The following RPS6KA2 variants were observed in gnomAD, a reference collection of about 807,000 sequenced individuals.
RPS6KA2 encodes the protein ribosomal protein S6 kinase alpha-2.
In RPS6KA2, 42 loss-of-function variants were observed where a neutral mutation model predicts 91.8. The ratio of observed to expected loss-of-function variants is 0.46; its 90% confidence interval spans 0.36 to 0.59. The LOEUF (loss-of-function observed/expected upper bound fraction) is 0.59. Ranked by LOEUF, RPS6KA2 falls within the 20% of genes least tolerant of loss-of-function variation. RPS6KA2 has a pLI of 0.00. For synonymous variants in RPS6KA2, 414 were observed against 393.6 expected, an observed-to-expected ratio of 1.05 and a Z score of -0.61; for missense variants, 798 against 978.5, an observed-to-expected ratio of 0.82 and a Z score of 2.46.
chr6:166,528,172 A>T (rs950398771), intron 3 of RPS6KA2, among the ~76,000 whole-genome samples: 1 of 152,212 alleles, frequency 6.6e-6, no homozygotes, highest in African/African-American at 2.4e-5. Flanking sequence ...TGCACTAACA[A>T]ATGTCTAATT....
intron 12 of RPS6KA2, among the ~76,000 whole-genome samples, chr6:166,455,983 G>A (rs372498876): frequency 1.3e-5 from 2 of 152,258 alleles, no homozygotes; most frequent in Admixed American, 6.5e-5. Flanking sequence ...GCAAGGATTG[G>A]GAGTCCAATT....
At chr6:166,765,033 C>T (rs1468415507) in intron 2 of RPS6KA2, among the ~76,000 whole-genome samples, 1 of 150,470 alleles carries the variant, frequency 6.6e-6, no homozygotes, top group African/African-American at 2.5e-5. Flanking sequence ...CTGGGTCTCT[C>T]AGCTCCAGCC....
At chr6:166,455,536 A>T (rs1780074614) in intron 12 of RPS6KA2, among the ~76,000 whole-genome samples, 1 of 152,194 alleles carries the variant, frequency 6.6e-6, no homozygotes, top group South Asian at 2.1e-4. Flanking sequence ...CCCCTGGACT[A>T]ATGTGACCAG....
intron 2 of RPS6KA2, among the ~76,000 whole-genome samples, chr6:166,762,952 T>C (rs1024650702): frequency 2.6e-5 from 4 of 152,252 alleles, no homozygotes; most frequent in African/African-American, 7.2e-5. Flanking sequence ...AAGTTCAGTT[T>C]CCTTTGGAAG....
chr6:166,846,229 C>CA (rs34677101), intron 2 of RPS6KA2, among the ~76,000 whole-genome samples: 93,727 of 150,354 alleles, frequency 0.62, 30,093 homozygotes, highest in Middle Eastern at 0.8. Flanking sequence ...AAATTGCCAA[C>CA]AAAAAAAAAG....
intron 2 of RPS6KA2, among the ~76,000 whole-genome samples, chr6:166,718,881 G>A (rs1790094765): frequency 6.6e-6 from 1 of 152,178 alleles, no homozygotes; most frequent in African/African-American, 2.4e-5. Flanking sequence ...GGTGGAACAG[G>A]CTAATTAGGT....
Position 166,495,148 on chromosome 6 carries a change from C to T in RPS6KA2, c.747+3360G>A, listed in dbSNP as rs1781742512. The stretch of plus-strand genomic sequence containing the variant: ...TGATCTTGAGCCCGACACTTAGGCT[C>T]TTTCAGCTTTAGTTTTCATTTCTGT... On this transcript the variant is annotated intron_variant, in intron 8 of 20. Transcript: ENST00000265678. The surrounding 1 kb of genome is among the most constrained non-coding windows in gnomAD (Gnocchi z 4.4). 6.6e-6 allele frequency among the ~76,000 whole-genome samples: 1 copy of T among 152,236 alleles called. No homozygotes were observed. Among genetic ancestry groups the T allele is most frequent in the South Asian group, 2.1e-4 (1 of 4,834 alleles).
chr6:166,776,201 T>C (rs533810), intron 2 of RPS6KA2, among the ~76,000 whole-genome samples: 76,218 of 152,050 alleles, frequency 0.5, 22,146 homozygotes, highest in African/African-American at 0.82. Flanking sequence ...TGACAGAGAA[T>C]GATCTCGCTA....
In RPS6KA2 at chr6:166,737,928, A is replaced by T. The variant is rs1008205084; in HGVS notation, c.123+120272T>A. On this transcript the variant is annotated intron_variant, in intron 2 of 21. Coordinates refer to the RPS6KA2 transcript ENST00000503859. The surrounding 1 kb of genome is among the most constrained non-coding windows in gnomAD (Gnocchi z 4.3). ...ATAAAACATACAGAAAAGTATACAA[A>T]GTAAAATAAAAATGTCATGCCATCG... Among the ~76,000 whole-genome samples, 1 of 152,268 alleles carries T rather than the reference A, an allele frequency of 6.6e-6. No homozygotes were observed. Among genetic ancestry groups the T allele is most frequent in the Non-Finnish European group, 1.5e-5 (1 of 68,046 alleles).
intron 11 of RPS6KA2, 117 bp downstream of exon 11, chr6:166,469,724 T>C: frequency 2.1e-6 from 2 of 948,548 alleles, no homozygotes; most frequent in South Asian, 2.7e-5. Context: ...TTGTCTACAT[T>C]CACCTCCGAC....
chr6:166,796,284 T>C (rs1045433777), intron 2 of RPS6KA2, among the ~76,000 whole-genome samples: 2 of 152,208 alleles, frequency 1.3e-5, no homozygotes, highest in Admixed American at 6.5e-5. Flanking sequence ...ATCTCTCATA[T>C]GGCCCCCTAA....
At chr6:166,585,417 A>C (rs1383878638) in intron 1 of RPS6KA2, among the ~76,000 whole-genome samples, 1 of 150,830 alleles carries the variant, frequency 6.6e-6, no homozygotes, top group African/African-American at 2.4e-5. Flanking sequence ...TAATTTTCAC[A>C]TTTACTTATA....
chr6:166,479,966 A>C (rs1044300819), intron 10 of RPS6KA2, among the ~76,000 whole-genome samples: 9 of 152,206 alleles, frequency 5.9e-5, no homozygotes, highest in Non-Finnish European at 1.0e-4. Flanking sequence ...GTACTCACAT[A>C]GTATCCCCTG....
At chr6:166,754,670 G>A (rs146056362) in intron 2 of RPS6KA2, among the ~76,000 whole-genome samples, 1 of 152,228 alleles carries the variant, frequency 6.6e-6, no homozygotes, top group Admixed American at 6.5e-5. Flanking sequence ...GAAACCCTGG[G>A]GGAGCAGCCT....
chr6:166,572,242 T>C (rs1215928888), intron 1 of RPS6KA2, among the ~76,000 whole-genome samples: 4 of 152,234 alleles, frequency 2.6e-5, no homozygotes, highest in Admixed American at 6.5e-5. Flanking sequence ...AGTTCTCTAA[T>C]TGGAATATCT....
At chr6:166,447,862 C>T (rs1158038860) in intron 14 of RPS6KA2, among the ~76,000 whole-genome samples, 3 of 152,152 alleles carry the variant, frequency 2.0e-5, no homozygotes, top group African/African-American at 7.2e-5. Flanking sequence ...GCTGGGACCT[C>T]GCTCTGCGAC....
chr6:166,716,602 G>A (rs899716528), intron 2 of RPS6KA2, among the ~76,000 whole-genome samples: 16 of 152,220 alleles, frequency 1.1e-4, no homozygotes, highest in African/African-American at 3.6e-4. Context: ...TGCACTGCAC[G>A]GCTGCATATG....
At chr6:166,617,713 A>G (rs778249967) in intron 1 of RPS6KA2, among the ~76,000 whole-genome samples, 12 of 152,296 alleles carry the variant, frequency 7.9e-5, no homozygotes, top group Admixed American at 3.3e-4. Flanking sequence ...CCTAAGATAA[A>G]ATGTCCTAAA....
rs932391899 is a variant in RPS6KA2 at position 166,437,438 on chromosome 6, C to T, written c.1333-4948G>A. Among the ~76,000 whole-genome samples the T allele has an allele frequency of 6.6e-5, 10 of 152,312 alleles. No homozygotes were observed. Among genetic ancestry groups the T allele is most frequent in the Admixed American group, 3.3e-4 (5 of 15,302 alleles). ...CAGGCTGACGCTCAAATAATGCTGACGCGCCACGGAGTAGGAGTGGTGTCG... is the reference window on the plus strand; with the variant it reads ...CAGGCTGACGCTCAAATAATGCTGATGCGCCACGGAGTAGGAGTGGTGTCG... On this transcript the variant is annotated intron_variant, in intron 14 of 20. Transcript: ENST00000265678. This position sits in a 1 kb window ranked among gnomAD's most constrained non-coding sequence, Gnocchi z 4.3.
Sources: allele counts gnomAD v4.1 joint callset (sites outside exome capture counted in the v4.1 genomes callset), GRCh38; gene constraint gnomAD v4.1.1; non-coding constraint Gnocchi (gnomAD v3.1); transcripts MANE v1.5; gene names NCBI Gene and HGNC (gene_info 2026-07-23, HGNC 2026-07-21).